The following CDH4 variants were observed in gnomAD, a reference collection of about 807,000 sequenced individuals.
CDH4 encodes the protein cadherin 4.
In CDH4, 33 loss-of-function variants were observed where a neutral mutation model predicts 86.0. That is an observed-to-expected ratio of 0.38 (90% CI 0.29 to 0.51). CDH4 has a LOEUF of 0.51. CDH4 is among the 20% of genes least tolerant of loss of function. The pLI, the probability that CDH4 is intolerant of heterozygous loss-of-function variation, is 0.86. For synonymous variants in CDH4, 555 were observed against 549.4 expected (o/e 1.01, Z -0.14); for missense variants, 1,114 against 1,307.4 (o/e 0.85, Z 2.28).
At chr20:61,406,686 A>G (rs575824848) in intron 2 of CDH4, among the ~76,000 whole-genome samples, 44 of 121,696 alleles carry the variant, frequency 3.6e-4, no homozygotes, top group African/African-American at 9.6e-4. Context: ...CTCTCCCTGG[A>G]CCACCATCTG....
At chr20:61,645,442 C>T (rs980583938) in intron 2 of CDH4, among the ~76,000 whole-genome samples, 3 of 152,068 alleles carry the variant, frequency 2.0e-5, no homozygotes, top group Non-Finnish European at 4.4e-5. Context: ...GCTGAGGCAA[C>T]ACAGTAAGAC....
chr20:61,701,368 G>A (rs1252107755), intron 2 of CDH4, among the ~76,000 whole-genome samples: 1 of 152,244 alleles, frequency 6.6e-6, no homozygotes, highest in Non-Finnish European at 1.5e-5. Flanking sequence ...TAACAAGCGA[G>A]TGAATGGATG....
chr20:61,579,461 A>G (rs1460718708), intron 2 of CDH4, among the ~76,000 whole-genome samples: 1 of 151,720 alleles, frequency 6.6e-6, no homozygotes, highest in South Asian at 2.1e-4. Context: ...TGAGTTTTGT[A>G]TTTTTAGTAG....
intron 2 of CDH4, among the ~76,000 whole-genome samples, chr20:61,509,502 C>T (rs554390870): frequency 2.8e-4 from 42 of 148,420 alleles, no homozygotes; most frequent in African/African-American, 1.0e-3. Context: ...GAGATGGGCC[C>T]TAAGGGAAGC....
At position 61,873,910 on chromosome 20, in the gene CDH4, G is replaced by A; in HGVS notation, c.1050+10G>A. Reference sequence around the variant, plus strand: ...TGGCCTGGACCGAGAGGTGAGGCGGGGTGGGGTCTGCGTGCAGGCGGGTGA... The same window carrying A: ...TGGCCTGGACCGAGAGGTGAGGCGGAGTGGGGTCTGCGTGCAGGCGGGTGA... On this transcript the variant is annotated intron_variant, in intron 7 of 15. Coordinates refer to ENST00000614565, the MANE Select transcript of CDH4 (RefSeq NM_001794.5). 6.2e-7 allele frequency: 1 copy of A among 1,612,026 alleles called. No individual in the cohort carries two copies. The highest frequency in any genetic ancestry group is 8.5e-7 in the Non-Finnish European group (1 of 1,179,408).
chr20:61,360,450 T>A (rs1207460664), intron 2 of CDH4, among the ~76,000 whole-genome samples: 1 of 152,204 alleles, frequency 6.6e-6, no homozygotes, highest in Non-Finnish European at 1.5e-5. Context: ...CAGCCATGCA[T>A]TCCTGGACAG....
intron 2 of CDH4, among the ~76,000 whole-genome samples, chr20:61,293,367 C>T (rs916796936): frequency 1.3e-5 from 2 of 152,064 alleles, no homozygotes; most frequent in African/African-American, 4.8e-5. Context: ...CACAGTTACC[C>T]CGGTATCTGG....
At chr20:61,755,418 C>A (rs1005488361) in intron 3 of CDH4, among the ~76,000 whole-genome samples, 7 of 148,804 alleles carry the variant, frequency 4.7e-5, no homozygotes, top group Non-Finnish European at 1.0e-4. Context: ...ACACCATACA[C>A]ACAGTGCACG....
chr20:61,451,880 C>T (rs2085382838), intron 2 of CDH4, among the ~76,000 whole-genome samples: 1 of 152,220 alleles, frequency 6.6e-6, no homozygotes, highest in Non-Finnish European at 1.5e-5. Context: ...CCCAGCTCTT[C>T]TCATGCCTAG....
At chr20:61,741,786 G>T (rs983423018) in intron 2 of CDH4, among the ~76,000 whole-genome samples, 4 of 152,054 alleles carry the variant, frequency 2.6e-5, no homozygotes, top group Non-Finnish European at 5.9e-5. Context: ...GAGCCACCAC[G>T]CCCAGCCTCC....
At chr20:61,574,838 A>G (rs1043905377) in intron 2 of CDH4, among the ~76,000 whole-genome samples, 1 of 152,192 alleles carries the variant, frequency 6.6e-6, no homozygotes. Flanking sequence ...CAGCTGCCAT[A>G]TGCCTGAGCC....
At chr20:61,333,563 G>A (rs1345214809) in intron 2 of CDH4, among the ~76,000 whole-genome samples, 1 of 152,186 alleles carries the variant, frequency 6.6e-6, no homozygotes, top group Non-Finnish European at 1.5e-5. Flanking sequence ...AGTTGTACAG[G>A]GAGCTACCCT....
intron 2 of CDH4, among the ~76,000 whole-genome samples, chr20:61,636,987 G>A (rs1367656839): frequency 6.6e-6 from 1 of 152,182 alleles, no homozygotes; most frequent in African/African-American, 2.4e-5. Flanking sequence ...CCCTCGGCGT[G>A]CAGAGATCAC....
chr20:61,677,415 T>C (rs2087455052), intron 2 of CDH4, among the ~76,000 whole-genome samples: 1 of 152,220 alleles, frequency 6.6e-6, no homozygotes, highest in Non-Finnish European at 1.5e-5. Context: ...CCCTCCAGAC[T>C]CCTGCCTCAC....
At chr20:61,804,879 G>C (rs543883112) in intron 4 of CDH4, among the ~76,000 whole-genome samples, 1 of 152,176 alleles carries the variant, frequency 6.6e-6, no homozygotes, top group African/African-American at 2.4e-5. Context: ...GATTTATGGG[G>C]CACATAAACG....
intron 2 of CDH4, among the ~76,000 whole-genome samples, chr20:61,568,417 C>T (rs2086316542): frequency 6.6e-6 from 1 of 152,202 alleles, no homozygotes; most frequent in South Asian, 2.1e-4. Context: ...TTCCCTTCTG[C>T]CATGATTGTA....
chr20:61,565,071 GT>G (rs2086255421), intron 2 of CDH4, among the ~76,000 whole-genome samples: 1 of 137,838 alleles, frequency 7.3e-6, no homozygotes, highest in African/African-American at 2.7e-5. Flanking sequence ...CTTGGTGGTG[GT>G]GGTGGTGGTG....
At chr20:61,383,798 C>CAT (rs142599076) in intron 2 of CDH4, among the ~76,000 whole-genome samples, 2,134 of 48,806 alleles carry the variant, frequency 0.044, 158 homozygotes, top group African/African-American at 0.16. Context: ...GATATATATG[C>CAT]ATATATATGA....
At chr20:61,338,457 G>T (rs550337262) in intron 2 of CDH4, among the ~76,000 whole-genome samples, 4 of 152,220 alleles carry the variant, frequency 2.6e-5, no homozygotes, top group Non-Finnish European at 5.9e-5. Flanking sequence ...TCACCGTGAA[G>T]ACTCGTTCTC....
Sources: allele counts gnomAD v4.1 joint callset (sites outside exome capture counted in the v4.1 genomes callset), GRCh38; gene constraint gnomAD v4.1.1; transcripts MANE v1.5; gene names NCBI Gene and HGNC (gene_info 2026-07-23, HGNC 2026-07-21).